Variants in KIRREL1 observed in about 807,000 individuals in gnomAD.
KIRREL1 encodes the protein kin of IRRE-like protein 1.
Under a neutral mutation model 83.3 loss-of-function variants are expected in KIRREL1, and 25 were observed. The ratio of observed to expected loss-of-function variants is 0.30; its 90% CI spans 0.22 to 0.42. The LOEUF (loss-of-function observed/expected upper bound fraction) is 0.42, where lower values mean the gene tolerates loss of function less well. Ranked by LOEUF, KIRREL1 falls within the 10% of genes least tolerant of loss-of-function variation. The pLI, the probability that KIRREL1 is intolerant of heterozygous loss-of-function variation, is 1.00. For missense variants in KIRREL1, 812 were observed against 1,032.3 expected, an observed-to-expected ratio of 0.79 and a Z score of 2.92; for synonymous variants, 388 against 410.4, an observed-to-expected ratio of 0.95 and a Z score of 0.66.
intron 1 of KIRREL1, among the ~76,000 whole-genome samples, chr1:157,995,987 C>T (rs1659188150): frequency 6.7e-6 from 1 of 149,770 alleles, no homozygotes; most frequent in Admixed American, 6.7e-5. Flanking sequence ...CCTTAGCCTC[C>T]ATCCTCAGAA....
At chr1:158,028,063 G>A (rs996450394) in intron 1 of KIRREL1, among the ~76,000 whole-genome samples, 2 of 151,990 alleles carry the variant, frequency 1.3e-5, no homozygotes, top group Admixed American at 6.6e-5. Context: ...CTCCTCCTCC[G>A]CTCTCCCACC....
intron 1 of KIRREL1, among the ~76,000 whole-genome samples, chr1:158,037,124 C>G (rs1400978288): frequency 6.6e-6 from 1 of 152,160 alleles, no homozygotes; most frequent in African/African-American, 2.4e-5. Flanking sequence ...GTCCTGGACA[C>G]CTGGGTTCTA....
intron 1 of KIRREL1, among the ~76,000 whole-genome samples, chr1:158,010,393 GCATACACACACA>G (rs1557987088): frequency 1.6e-4 from 2 of 12,570 alleles, no homozygotes; most frequent in East Asian, 2.1e-3. Flanking sequence ...TCACACACAT[GCATACACACACA>G]CACACACACA....
rs994069633 is a variant in KIRREL1, at chr1:158,096,471, G to A, written c.*1351G>A. On this transcript the variant is annotated 3_prime_UTR_variant, in exon 15 of 15. Coordinates refer to ENST00000359209, the MANE Select transcript of KIRREL1 (RefSeq NM_018240.7). ...CCCTATGTGGGCGGTTGTGTGGGGA[G>A]TGGGTACTTGTGAGCCTCGGACACA... 2.2e-5 allele frequency: 9 copies of A among 405,072 alleles called. No homozygotes were observed. The highest frequency in any genetic ancestry group is 4.0e-5 in the Non-Finnish European group (8 of 199,238). 25.1% of individuals were successfully genotyped at this position (405,072 alleles called of 1,614,324 possible).
chr1:158,088,497 T>G, intron 8 of KIRREL1, 43 bp downstream of exon 8: 2 of 1,495,678 alleles, frequency 1.3e-6, no homozygotes, highest in Non-Finnish European at 1.8e-6. Flanking sequence ...TTTTTTTTTT[T>G]TTTTTGAGAC....
chr1:158,095,365 C>T lies in KIRREL1; in HGVS notation c.*245C>T, dbSNP rs1662329768. On this transcript the variant is annotated 3_prime_UTR_variant, in exon 15 of 15. Transcript: ENST00000359209. ...GAGGATGTGTCTCTTCTGACCTGCA[C>T]TCTTGCCTGACCCTAGAATGGGGAC... The T allele has an allele frequency of 4.4e-6, 2 of 457,890 alleles. No homozygotes were observed. The highest frequency in any genetic ancestry group is 2.0e-5 in the African/African-American group (1 of 50,602). 28.4% of individuals were successfully genotyped at this position (457,890 alleles called of 1,614,324 possible). A position where few individuals can be genotyped will look rare whatever the true frequency, so the allele number is the denominator to read the frequency against.
intron 8 of KIRREL1, among the ~76,000 whole-genome samples, chr1:158,088,669 A>G (rs1293073140): frequency 6.6e-6 from 1 of 151,174 alleles, no homozygotes; most frequent in Non-Finnish European, 1.5e-5. Context: ...TATTTTTAGT[A>G]GAGACGGGGT....
intron 1 of KIRREL1, among the ~76,000 whole-genome samples, chr1:158,073,881 C>A (rs895803957): frequency 6.6e-6 from 1 of 152,138 alleles, no homozygotes; most frequent in Non-Finnish European, 1.5e-5. Flanking sequence ...AGCGAGAGAC[C>A]AGGGTGTCCA....
intron 1 of KIRREL1, among the ~76,000 whole-genome samples, chr1:158,071,808 G>A (rs538131465): frequency 6.6e-6 from 1 of 152,268 alleles, no homozygotes; most frequent in East Asian, 1.9e-4. Context: ...AGGCAACCAG[G>A]ACCTGAGAGG....
rs778078501 is a variant in KIRREL1 at position 158,094,746 on chromosome 1, G to A, written c.1900G>A (p.Asp634Asn). Residue 634 changes from aspartate (D) to asparagine (N), a missense_variant, in exon 15 of 15, where the codon GAC becomes AAC. Around this residue, in one of 3 missense-constraint regions of KIRREL1, gnomAD observed 334 missense variants for 383.7 expected, o/e 0.87. Transcript: ENST00000359209. The surrounding 1 kb of genome is among the most constrained non-coding windows in gnomAD (Gnocchi z 4.6). The stretch of plus-strand genomic sequence containing the variant: ...CCGTGCCCCTGGCCCTGCCCGCTTC[G>A]ACGGCCGCCCCTCATCCCGTCTCTC... ...DYRAPGPARF[D>N]GRPSSRLSHS... The A allele has an allele frequency of 2.5e-6, 4 of 1,613,708 alleles. No homozygotes were observed. Among genetic ancestry groups the A allele is most frequent in the Non-Finnish European group, 2.5e-6 (3 of 1,179,990 alleles).
intron 1 of KIRREL1, among the ~76,000 whole-genome samples, chr1:158,028,113 C>T (rs1325289686): frequency 1.3e-5 from 2 of 152,204 alleles, no homozygotes; most frequent in Admixed American, 6.5e-5. Flanking sequence ...ATTCCTGCCC[C>T]CAGGCTTGGA....
intron 8 of KIRREL1, 22 bp from the exon 9 acceptor site, chr1:158,089,480 C>T (rs768121092): frequency 1.2e-5 from 19 of 1,613,586 alleles, no homozygotes; most frequent in Non-Finnish European, 1.5e-5. Context: ...GCTCCCCACC[C>T]GAGGCTGCTC....
intron 1 of KIRREL1, among the ~76,000 whole-genome samples, chr1:158,018,811 G>C (rs1301216979): frequency 6.6e-6 from 1 of 152,176 alleles, no homozygotes; most frequent in Non-Finnish European, 1.5e-5. Flanking sequence ...TTAAATCCCA[G>C]GCTGCTTTTT....
intron 1 of KIRREL1, among the ~76,000 whole-genome samples, chr1:158,073,489 A>G (rs7547150): frequency 0.21 from 31,931 of 152,190 alleles, 3,485 homozygotes; most frequent in Admixed American, 0.25. Context: ...TTTGACAGCA[A>G]TCCAGAAATA....
chr1:158,020,704 TAG>T, intron 1 of KIRREL1, among the ~76,000 whole-genome samples: 1 of 149,172 alleles, frequency 6.7e-6, no homozygotes, highest in East Asian at 2.0e-4. Context: ...ACTCAAAGTC[TAG>T]TTTCTCTTCC....
chr1:157,999,670 T>A (rs922362669), intron 1 of KIRREL1, among the ~76,000 whole-genome samples: 3 of 151,662 alleles, frequency 2.0e-5, no homozygotes, highest in Non-Finnish European at 4.4e-5. Context: ...TCCCAGGGCC[T>A]CTGGACCAGT....
At chr1:158,018,076 T>C (rs377041272) in intron 1 of KIRREL1, among the ~76,000 whole-genome samples, 3 of 152,092 alleles carry the variant, frequency 2.0e-5, no homozygotes, top group Admixed American at 6.5e-5. Flanking sequence ...AACACTCCCA[T>C]TGAAGTAGTG....
At chr1:157,999,304 A>G (rs1291432079) in intron 1 of KIRREL1, among the ~76,000 whole-genome samples, 1 of 152,182 alleles carries the variant, frequency 6.6e-6, no homozygotes, top group Non-Finnish European at 1.5e-5. Flanking sequence ...GGAGGTTTGG[A>G]AAGCCTCAAT....
chr1:158,003,314 GCTA>G (rs1659420161), intron 1 of KIRREL1, among the ~76,000 whole-genome samples: 2 of 152,176 alleles, frequency 1.3e-5, no homozygotes, highest in Non-Finnish European at 2.9e-5. Context: ...GAAACCCAAG[GCTA>G]GGCAGGCTGG....
Sources: gnomAD v4.1 joint callset for allele counts (sites outside exome capture counted in the v4.1 genomes callset) on GRCh38, gnomAD v4.1.1 for gene constraint, gnomAD v4.1.1 regional missense constraint, Gnocchi (gnomAD v3.1) non-coding constraint, MANE v1.5 for transcripts, NCBI Gene and HGNC (gene_info 2026-07-23, HGNC 2026-07-21) for gene names.